Variants in ADGRL2 observed in about 807,000 individuals in gnomAD.
The protein encoded by ADGRL2 is adhesion G protein-coupled receptor L2.
ADGRL2 carries 44 observed loss-of-function variants against 157.4 expected under a neutral mutation model. The ratio of observed to expected loss-of-function variants is 0.28; its 90% CI spans 0.22 to 0.36. ADGRL2 has a LOEUF of 0.36. Ranked by LOEUF, ADGRL2 falls within the 10% of genes least tolerant of loss-of-function variation. ADGRL2 has a pLI of 1.00. For missense variants in ADGRL2, 1,510 were observed against 1,768.9 expected, an observed-to-expected ratio of 0.85 and a Z score of 2.63; for synonymous variants, 585 against 624.7, an observed-to-expected ratio of 0.94 and a Z score of 0.95.
intron 1 of ADGRL2, among the ~76,000 whole-genome samples, chr1:81,425,963 C>T (rs368453214): frequency 2.6e-4 from 39 of 152,208 alleles, no homozygotes; most frequent in African/African-American, 8.7e-4. Flanking sequence ...AACTCCTGGG[C>T]TCAGGTTGTT....
intron 3 of ADGRL2, among the ~76,000 whole-genome samples, chr1:81,648,159 G>A (rs1263175511): frequency 1.3e-5 from 2 of 152,188 alleles, no homozygotes; most frequent in African/African-American, 4.8e-5. Context: ...TTATATCTGA[G>A]AGCCAGCAAT....
At chr1:81,889,029 C>G (rs1423488952) in intron 2 of ADGRL2, among the ~76,000 whole-genome samples, 1 of 152,182 alleles carries the variant, frequency 6.6e-6, no homozygotes, top group Non-Finnish European at 1.5e-5. Context: ...TTTCTGACTG[C>G]TCCACCAACT....
intron 1 of ADGRL2, among the ~76,000 whole-genome samples, chr1:81,313,141 G>T (rs1659867274): frequency 6.6e-6 from 1 of 152,026 alleles, no homozygotes; most frequent in African/African-American, 2.4e-5. Flanking sequence ...ATAGTACCCT[G>T]GATCCCACTC....
In ADGRL2 at chr1:81,366,093, T is replaced by TGAAAA. The variant is rs2076061390; in HGVS notation, c.-302+59584_-302+59585insGAAAA. On this transcript the variant is annotated intron_variant, in intron 1 of 24. Transcript: ENST00000370721. ...GTTGGTTCTTACAGACTGTCATTCT[T>TGAAAA]TTTATACCTTCCTCTTGAAAATATC... Among the ~76,000 whole-genome samples, 4 of 152,158 alleles carry TGAAAA rather than the reference T, an allele frequency of 2.6e-5. No homozygotes were observed. The South Asian group carries it at 8.3e-4, about 32-fold the overall frequency.
intron 2 of ADGRL2, among the ~76,000 whole-genome samples, chr1:81,526,626 C>G (rs2079463004): frequency 6.6e-6 from 1 of 152,090 alleles, no homozygotes; most frequent in Admixed American, 6.5e-5. Flanking sequence ...TTAGGATTCT[C>G]TCCTATTGAG....
intron 2 of ADGRL2, among the ~76,000 whole-genome samples, chr1:81,545,861 C>T (rs1023691853): frequency 3.3e-5 from 5 of 152,070 alleles, no homozygotes; most frequent in African/African-American, 7.2e-5. Context: ...TTGCCTCCTG[C>T]GGTATGGAAA....
At chr1:81,481,801 C>T (rs2078394380) in intron 2 of ADGRL2, among the ~76,000 whole-genome samples, 1 of 152,146 alleles carries the variant, frequency 6.6e-6, no homozygotes, top group South Asian at 2.1e-4. Context: ...ACACCTATGT[C>T]AATTCCTTGT....
At chr1:81,641,870 G>C (rs938930700) in intron 3 of ADGRL2, among the ~76,000 whole-genome samples, 1 of 151,920 alleles carries the variant, frequency 6.6e-6, no homozygotes, top group African/African-American at 2.4e-5. Flanking sequence ...TAGAAAATTA[G>C]TATGAAAATC....
chr1:81,876,557 G>T (rs2093846453), intron 2 of ADGRL2, among the ~76,000 whole-genome samples: 1 of 150,828 alleles, frequency 6.6e-6, no homozygotes, highest in Non-Finnish European at 1.5e-5. Context: ...AGGTTTTCAT[G>T]TATTAACAAG....
chr1:81,695,817 T>A (rs1344629215), upstream of ADGRL2, among the ~76,000 whole-genome samples: 1 of 146,746 alleles, frequency 6.8e-6, no homozygotes, highest in African/African-American at 2.5e-5. Context: ...AGTGAGACTC[T>A]GTTTCAAAAA....
At chr1:81,725,096 T>C (rs1284097158) in intron 1 of ADGRL2, among the ~76,000 whole-genome samples, 10 of 150,140 alleles carry the variant, frequency 6.7e-5, no homozygotes, top group Non-Finnish European at 1.5e-5. Context: ...TCTCAGCTAC[T>C]TGGGAGGCTG....
chr1:81,715,894 G>T (rs571185648), intron 1 of ADGRL2, among the ~76,000 whole-genome samples: 1 of 152,218 alleles, frequency 6.6e-6, no homozygotes, highest in Non-Finnish European at 1.5e-5. Context: ...ATCAAGAAAG[G>T]TAAGATGTTC....
chr1:81,421,579 GCTCCT>G (rs940559585), intron 1 of ADGRL2, among the ~76,000 whole-genome samples: 4 of 152,110 alleles, frequency 2.6e-5, no homozygotes, highest in African/African-American at 9.7e-5. Context: ...AAGGTGCTTT[GCTCCT>G]CTGTGGATCT....
intron 2 of ADGRL2, among the ~76,000 whole-genome samples, chr1:81,562,494 T>C (rs2080465529): frequency 6.6e-6 from 1 of 152,170 alleles, no homozygotes; most frequent in South Asian, 2.1e-4. Flanking sequence ...TGTGTCAATT[T>C]AAAATGTTCT....
intron 1 of ADGRL2, among the ~76,000 whole-genome samples, chr1:81,435,417 A>C (rs2077391392): frequency 2.6e-5 from 4 of 152,232 alleles, no homozygotes. Context: ...AGGATGTCCA[A>C]ATGTAAATTA....
chr1:81,502,991 G>A, intron 2 of ADGRL2: 4 of 1,613,370 alleles, frequency 2.5e-6, no homozygotes, highest in Non-Finnish European at 3.4e-6. Flanking sequence ...GTGCCAAATC[G>A]TCTGGCTGTG....
upstream of ADGRL2, among the ~76,000 whole-genome samples, chr1:81,800,827 G>C (rs1173276672): frequency 6.6e-6 from 1 of 150,618 alleles, no homozygotes; most frequent in East Asian, 2.0e-4. Flanking sequence ...GGGGGAGCTG[G>C]AGGCAGAGCT....
intron 2 of ADGRL2, among the ~76,000 whole-genome samples, chr1:81,565,224 G>A (rs1001917296): frequency 2.0e-5 from 3 of 152,134 alleles, no homozygotes; most frequent in Non-Finnish European, 4.4e-5. Flanking sequence ...CTACTATGAA[G>A]TTTAAATAAG....
chr1:81,422,172 A>G (rs183505693), intron 1 of ADGRL2, among the ~76,000 whole-genome samples: 14 of 124,636 alleles, frequency 1.1e-4, no homozygotes, highest in Non-Finnish European at 2.2e-4. Context: ...CCACATATTT[A>G]CATCTCTCAA....
Sources: allele counts gnomAD v4.1 joint callset (sites outside exome capture counted in the v4.1 genomes callset), GRCh38; gene constraint gnomAD v4.1.1; transcripts MANE v1.5; gene names NCBI Gene and HGNC (gene_info 2026-07-23, HGNC 2026-07-21).